The following OPRM1 variants were observed in gnomAD, a reference collection of about 807,000 sequenced individuals.
OPRM1 encodes the protein opioid receptor mu 1.
Under a neutral mutation model 31.8 loss-of-function variants are expected in OPRM1, and 27 were observed. The observed-to-expected ratio is 0.85, with a 90% CI of 0.63 to 1.17. The LOEUF (loss-of-function observed/expected upper bound fraction) is 1.17, where lower values mean the gene tolerates loss of function less well. Ranked by LOEUF, OPRM1 falls within the 50% of genes most tolerant of loss-of-function variation. The probability of loss-of-function intolerance (pLI) is 0.00; values close to 1 mark genes in which losing one functional copy is unlikely to be tolerated. For synonymous variants in OPRM1, 196 were observed against 189.9 expected (o/e 1.03, Z -0.26); for missense variants, 536 against 511.1 (o/e 1.05, Z -0.47).
At chr6:154,083,652 C>G (rs1789691553) in intron 1 of OPRM1, 1 of 152,346 alleles carries the variant, frequency 6.6e-6, no homozygotes, top group Non-Finnish European at 1.5e-5. Context: ...ACCAAGAAGA[C>G]TGATAGTCAG....
rs1797297401 is a variant in OPRM1, at chr6:154,121,499, A to T, written c.*2778A>T. ...CATTGAAATAGACAGTTGAAGTTTT[A>T]AAATAACCTCTTCTAAGACACGGCT... On this transcript the variant is annotated 3_prime_UTR_variant, in exon 4 of 4. Transcript: ENST00000330432. Among the ~76,000 whole-genome samples the T allele has an allele frequency of 6.6e-6, 1 of 152,208 alleles. No individual in the cohort carries two copies.
At chr6:154,211,754 T>G (rs1458057549) in intron 3 of OPRM1, among the ~76,000 whole-genome samples, 1 of 152,204 alleles carries the variant, frequency 6.6e-6, no homozygotes, top group African/African-American at 2.4e-5. Context: ...GGTGCAAAAG[T>G]GATTGTGTTT....
chr6:154,072,417 A>G (rs1420229902), intron 1 of OPRM1, among the ~76,000 whole-genome samples: 2 of 152,212 alleles, frequency 1.3e-5, no homozygotes, highest in Non-Finnish European at 2.9e-5. Flanking sequence ...GCAAGAATGC[A>G]AAAGGTTGAA....
At chr6:154,039,894 A>G (rs868574227) in intron 1 of OPRM1, 60 bp downstream of exon 1, 4 of 1,446,362 alleles carry the variant, frequency 2.8e-6, no homozygotes, top group Non-Finnish European at 3.7e-6. Flanking sequence ...GTACAAAGAG[A>G]CACCTAACTC....
At chr6:154,231,330 C>A (rs1180820687) in intron 3 of OPRM1, among the ~76,000 whole-genome samples, 3 of 152,226 alleles carry the variant, frequency 2.0e-5, no homozygotes, top group Non-Finnish European at 4.4e-5. Flanking sequence ...TGGAACTCAA[C>A]AGAAGGAAAC....
At position 154,168,109 on chromosome 6, in the gene OPRM1, C is replaced by T. The variant is rs377693737; in HGVS notation, c.1164+76637C>T. The T allele has an allele frequency of 7.2e-6, 11 of 1,532,980 alleles. No homozygotes were observed. Among genetic ancestry groups the T allele is most frequent in the Middle Eastern group, 1.7e-4 (1 of 5,716 alleles). The allele number at this position is 1,532,980 out of a possible 1,614,324, so 95.0% of individuals were successfully genotyped here. A position where few individuals can be genotyped will look rare whatever the true frequency, so the allele number is the denominator to read the frequency against. On this transcript the variant is annotated intron_variant, in intron 3 of 3. Transcript: ENST00000337049. This position sits in a 1 kb window ranked among gnomAD's most constrained non-coding sequence, Gnocchi z 4.1. Reference sequence around the variant, plus strand: ...TTTCATCATCTTCAGACACTTTTGTCTCTTCTATTTGAAAAAAAAAAAGAA... The same window carrying T: ...TTTCATCATCTTCAGACACTTTTGTTTCTTCTATTTGAAAAAAAAAAAGAA...
intron 1 of OPRM1, among the ~76,000 whole-genome samples, chr6:154,033,736 A>G (rs1187531325): frequency 6.6e-6 from 1 of 152,224 alleles, no homozygotes; most frequent in African/African-American, 2.4e-5. Context: ...AGAAGCTGAG[A>G]CATTTTTATG....
intron 3 of OPRM1, among the ~76,000 whole-genome samples, chr6:154,245,187 A>G (rs1780927920): frequency 6.6e-6 from 1 of 152,194 alleles, no homozygotes; most frequent in Non-Finnish European, 1.5e-5. Flanking sequence ...AGAAGAAAAG[A>G]GAGAAAAAGG....
At chr6:154,226,117 G>C (rs1166674761) in intron 3 of OPRM1, among the ~76,000 whole-genome samples, 2 of 152,112 alleles carry the variant, frequency 1.3e-5, no homozygotes, top group East Asian at 3.8e-4. Context: ...GTTCACTAGA[G>C]TTCTGTCCAC....
chr6:154,019,628 A>G (rs957800932), intron 1 of OPRM1, among the ~76,000 whole-genome samples: 1 of 152,044 alleles, frequency 6.6e-6, no homozygotes, highest in African/African-American at 2.4e-5. Flanking sequence ...CCAGAATGTC[A>G]TATGGTTGAA....
chr6:154,228,935 A>C (rs1361229962), intron 3 of OPRM1, among the ~76,000 whole-genome samples: 1 of 152,218 alleles, frequency 6.6e-6, no homozygotes, highest in East Asian at 1.9e-4. Context: ...AGGTGTGAGC[A>C]AGGCAGGTTG....
chr6:154,136,417 AT>A (rs1430896806), downstream of OPRM1, among the ~76,000 whole-genome samples: 7 of 152,244 alleles, frequency 4.6e-5, no homozygotes. Context: ...ATATTAGGCT[AT>A]CCCTGACTCT....
At chr6:154,058,028 C>T (rs1442283597) in intron 1 of OPRM1, among the ~76,000 whole-genome samples, 2 of 152,166 alleles carry the variant, frequency 1.3e-5, no homozygotes, top group African/African-American at 4.8e-5. Flanking sequence ...CATCACATTT[C>T]CACAAAAGAC....
chr6:154,227,621 G>A (rs866782700), intron 3 of OPRM1, among the ~76,000 whole-genome samples: 1 of 152,116 alleles, frequency 6.6e-6, no homozygotes, highest in African/African-American at 2.4e-5. Context: ...GAGAGGCTGA[G>A]GTGGGAGAAT....
At chr6:154,186,251 C>T (rs1421287085) in intron 3 of OPRM1, among the ~76,000 whole-genome samples, 2 of 152,200 alleles carry the variant, frequency 1.3e-5, no homozygotes, top group Non-Finnish European at 2.9e-5. Flanking sequence ...TTTATATCTC[C>T]AAGTGTTAGG....
At chr6:154,014,276 T>A (rs926684456) in intron 1 of OPRM1, among the ~76,000 whole-genome samples, 5 of 152,144 alleles carry the variant, frequency 3.3e-5, no homozygotes, top group Non-Finnish European at 7.4e-5. Context: ...ACACATCTTG[T>A]AGGGCCTTGT....
intron 3 of OPRM1, among the ~76,000 whole-genome samples, chr6:154,207,618 G>T (rs530453952): frequency 6.6e-6 from 1 of 152,144 alleles, no homozygotes; most frequent in South Asian, 2.1e-4. Flanking sequence ...GCCCAGGCTG[G>T]TCTTGAACTC....
chr6:154,166,934 A>G (rs1799486584), intron 3 of OPRM1, among the ~76,000 whole-genome samples: 1 of 152,198 alleles, frequency 6.6e-6, no homozygotes, highest in Admixed American at 6.5e-5. Flanking sequence ...CATTTGTATT[A>G]TCTTTGTATA....
At chr6:154,241,941 TGGC>T (rs1780629847) in intron 3 of OPRM1, among the ~76,000 whole-genome samples, 2 of 152,306 alleles carry the variant, frequency 1.3e-5, no homozygotes, top group Admixed American at 1.3e-4. Context: ...GAAAAGAGCC[TGGC>T]TTTGTCGTTG....
Sources: allele counts gnomAD v4.1 joint callset (sites outside exome capture counted in the v4.1 genomes callset), GRCh38; gene constraint gnomAD v4.1.1; non-coding constraint Gnocchi (gnomAD v3.1); transcripts MANE v1.5; gene names NCBI Gene and HGNC (gene_info 2026-07-23, HGNC 2026-07-21).